Variants in AHI1 observed in about 807,000 individuals in gnomAD.
AHI1 encodes Abelson helper integration site 1.
AHI1 carries 123 observed loss-of-function variants against 149.3 expected under a neutral mutation model. The observed-to-expected ratio is 0.82, with a 90% confidence interval of 0.71 to 0.96. AHI1 has a LOEUF of 0.96. Among genes scored for constraint, AHI1 ranks in the 40% least tolerant of loss-of-function variants. The probability of loss-of-function intolerance (pLI) is 0.00; values close to 1 mark genes in which losing one functional copy is unlikely to be tolerated. For synonymous variants in AHI1, 475 were observed against 459.8 expected, an observed-to-expected ratio of 1.03 and a Z score of -0.42; for missense variants, 1,439 against 1,422.7, an observed-to-expected ratio of 1.01 and a Z score of -0.18.
In AHI1 at chr6:135,466,009, T is replaced by C; in HGVS notation, c.554A>G (p.Asp185Gly). The C allele has an allele frequency of 6.2e-7, 1 of 1,614,008 alleles. No homozygotes were observed. The highest frequency in any genetic ancestry group is 1.1e-5 in the South Asian group (1 of 91,074). ...EGREETDLEE[D>G]EELMQAYQCH... Reference sequence around the variant, plus strand: ...CTGATATGCTTGCATCAATTCTTCATCCTCTTCTAAATCAGTCTCTTCTCT... The same window carrying C: ...CTGATATGCTTGCATCAATTCTTCACCCTCTTCTAAATCAGTCTCTTCTCT... Residue 185 changes from aspartate (D) to glycine (G), a missense_variant, in exon 7 of 29, where the codon GAT (aspartate) becomes GGT (glycine). Asp to Gly is a moderately conservative substitution (Grantham distance 94). Transcript: ENST00000265602.
rs764546253 is a variant in AHI1, at chr6:135,383,226, C to CTTTTTTTTTTTTTTTTTTTTTTT, written c.3109+11549_3109+11550insAAAAAAAAAAAAAAAAAAAAAAA. ...GATTGATTCCTTCCTTCCCCCCTCC[C>CTTTTTTTTTTTTTTTTTTTTTTT]TTTTTTTTTTTTTTTTTTTTTGAGA... On this transcript the variant is annotated intron_variant, in intron 23 of 28. Coordinates refer to ENST00000265602, the MANE Select transcript of AHI1 (RefSeq NM_001134831.2). 2.6e-5 allele frequency among the ~76,000 whole-genome samples: 2 copies of CTTTTTTTTTTTTTTTTTTTTTTT among 76,870 alleles called. 1 individual carries two copies. Among genetic ancestry groups the CTTTTTTTTTTTTTTTTTTTTTTT allele is most frequent in the African/African-American group, 1.3e-4 (2 of 15,030 alleles). The allele number at this position is 76,870 out of a possible 152,430, so 50.4% of individuals were successfully genotyped here.
chr6:135,447,350 T>C (rs1360544348), intron 12 of AHI1, among the ~76,000 whole-genome samples, 190 bp from the exon 13 acceptor site: 1 of 152,198 alleles, frequency 6.6e-6, no homozygotes, highest in Non-Finnish European at 1.5e-5. Flanking sequence ...TACAGTCCTG[T>C]AACCAAAAAG....
chr6:135,492,521 A>G, intron 3 of AHI1: 1 of 1,135,624 alleles, frequency 8.8e-7, no homozygotes, highest in Non-Finnish European at 1.1e-6. Flanking sequence ...TAAAGTATTT[A>G]TATATTTGAA....
intron 27 of AHI1, among the ~76,000 whole-genome samples, chr6:135,296,616 C>T (rs1783128969): frequency 6.6e-6 from 1 of 152,128 alleles, no homozygotes; most frequent in African/African-American, 2.4e-5. Context: ...CAATTCCCTG[C>T]CTCCTTCCAC....
At chr6:135,398,361 AC>A (rs1779548617) in intron 22 of AHI1, among the ~76,000 whole-genome samples, 2 of 152,120 alleles carry the variant, frequency 1.3e-5, no homozygotes, top group African/African-American at 2.4e-5. Context: ...GATTTGGAAG[AC>A]AACACTGTAA....
At chr6:135,286,642 C>T (rs1781720493) in intron 28 of AHI1, 2 of 152,138 alleles carry the variant, frequency 1.3e-5, no homozygotes, top group African/African-American at 2.4e-5. Context: ...AAGGAACAGG[C>T]CCAATCTTAA....
chr6:135,429,846 T>C (rs1431602191), intron 18 of AHI1, 36 bp downstream of exon 18: 1 of 1,215,164 alleles, frequency 8.2e-7, no homozygotes, highest in Non-Finnish European at 1.2e-6. Context: ...ACTTACTCTG[T>C]GAGTACTTAT....
chr6:135,310,480 G>A (rs1785046741), intron 26 of AHI1, among the ~76,000 whole-genome samples: 1 of 152,132 alleles, frequency 6.6e-6, no homozygotes, highest in Admixed American at 6.5e-5. Flanking sequence ...TTTTGAACTA[G>A]GCAAGAAAGC....
intron 23 of AHI1, among the ~76,000 whole-genome samples, chr6:135,378,111 C>A (rs1054011441): frequency 6.6e-6 from 1 of 152,016 alleles, no homozygotes; most frequent in Non-Finnish European, 1.5e-5. Flanking sequence ...GTATAATATG[C>A]CCTGACTCTG....
intron 23 of AHI1, among the ~76,000 whole-genome samples, chr6:135,363,659 C>G (rs1170963145): frequency 6.7e-6 from 1 of 148,366 alleles, no homozygotes; most frequent in East Asian, 2.0e-4. Flanking sequence ...CCGGACGGGG[C>G]GGCTGGCCGG....
At chr6:135,482,094 G>T (rs1307736967) in intron 5 of AHI1, among the ~76,000 whole-genome samples, 1 of 152,010 alleles carries the variant, frequency 6.6e-6, no homozygotes, top group Non-Finnish European at 1.5e-5. Flanking sequence ...ATCTGTGGGT[G>T]TATTGTTTCC....
chr6:135,371,011 C>T (rs139025764), intron 23 of AHI1, among the ~76,000 whole-genome samples: 107 of 152,270 alleles, frequency 7.0e-4, no homozygotes, highest in Admixed American at 3.5e-3. Context: ...ATACCAATAT[C>T]TCCTTGCTCC....
intron 16 of AHI1, 53 bp downstream of exon 16, chr6:135,432,974 G>C: frequency 7.3e-7 from 1 of 1,363,722 alleles, no homozygotes; most frequent in South Asian, 1.2e-5. Flanking sequence ...CTATTATTCT[G>C]GTAAAAAAAA....
intron 22 of AHI1, among the ~76,000 whole-genome samples, chr6:135,404,132 T>A (rs1780412325): frequency 6.6e-6 from 1 of 152,190 alleles, no homozygotes; most frequent in South Asian, 2.1e-4. Context: ...TTGTGATATG[T>A]AATTATATTT....
rs371999812 is a variant in AHI1, at chr6:135,466,173, T to C, written c.390A>G (p.Ile130Met). Residue 130 changes from isoleucine (I) to methionine (M), a missense_variant, in exon 7 of 29, where the codon ATA (isoleucine) becomes ATG (methionine). Physicochemically the swap from Ile to Met is conservative, Grantham distance 10. Coordinates refer to ENST00000265602, the MANE Select transcript of AHI1 (RefSeq NM_001134831.2). Reference sequence around the variant, plus strand: ...GTGTAGTCAACTGGGGCACCGTCTTTATCACCTTTTTATTTGGCTTTCCTT... The same window carrying C: ...GTGTAGTCAACTGGGGCACCGTCTTCATCACCTTTTTATTTGGCTTTCCTT... ...DKQGKPNKKV[I>M]KTVPQLTTQD... 4.3e-6 allele frequency: 7 copies of C among 1,613,802 alleles called. No individual in the cohort carries two copies. Among genetic ancestry groups the C allele is most frequent in the Non-Finnish European group, 5.9e-6 (7 of 1,179,862 alleles).
At position 135,419,724 on chromosome 6, in the gene AHI1, T is replaced by C. The variant is rs1266660542; in HGVS notation, c.2764+7443A>G. ...AATAAAGGGTCTGCTGACTGATAAA[T>C]GGGGTGGTTGCTGAAGGCTGGGGTG... On this transcript the variant is annotated intron_variant, in intron 20 of 28. Transcript: ENST00000265602. Among the ~76,000 whole-genome samples the C allele has an allele frequency of 3.3e-5, 5 of 152,172 alleles. No homozygotes were observed. In the East Asian group the frequency reaches 9.6e-4, roughly 29 times the overall value.
At chr6:135,387,595 C>A (rs1777795589) in intron 23 of AHI1, among the ~76,000 whole-genome samples, 1 of 152,158 alleles carries the variant, frequency 6.6e-6, no homozygotes, top group Non-Finnish European at 1.5e-5. Context: ...ATTACTTCAT[C>A]TTAATGCCTT....
At chr6:135,358,085 T>G in intron 24 of AHI1, 47 bp downstream of exon 24, 1 of 1,554,172 alleles carries the variant, frequency 6.4e-7, no homozygotes, top group Non-Finnish European at 8.9e-7. Flanking sequence ...CAGTATAATT[T>G]TGTACTTTCT....
chr6:135,428,519 C>T, intron 19 of AHI1, 110 bp downstream of exon 19: 2 of 1,285,458 alleles, frequency 1.6e-6, no homozygotes, highest in Non-Finnish European at 2.0e-6. Context: ...TAATTGAAAA[C>T]CCAAAATCAG....
Sources: allele counts gnomAD v4.1 joint callset (sites outside exome capture counted in the v4.1 genomes callset), GRCh38; gene constraint gnomAD v4.1.1; transcripts MANE v1.5; gene names NCBI Gene and HGNC (gene_info 2026-07-23, HGNC 2026-07-21).